Variants in HMCN1 observed in about 807,000 individuals in gnomAD.
HMCN1 encodes hemicentin 1, also known as hemicentin-1.
HMCN1 carries 321 observed loss-of-function variants against 625.9 expected under a neutral mutation model. That is an observed-to-expected ratio of 0.51 (90% CI 0.47 to 0.56). The LOEUF (loss-of-function observed/expected upper bound fraction) is 0.56. HMCN1 is among the 20% of genes least tolerant of loss of function. HMCN1 has a pLI of 0.00. For missense variants in HMCN1, 6,588 were observed against 6,887.3 expected (o/e 0.96, Z 1.54); for synonymous variants, 2,425 against 2,417.6 (o/e 1.00, Z -0.09).
chr1:186,048,753 C>A lies in HMCN1; in HGVS notation c.6491C>A (p.Ala2164Asp). 2 of 1,605,870 alleles carry A rather than the reference C, an allele frequency of 1.2e-6. No homozygotes were observed. Among genetic ancestry groups the A allele is most frequent in the Non-Finnish European group, 1.7e-6 (2 of 1,173,016 alleles). ...ENRSVLKIED[A>D]QVQDTGRYTC... ...TGATTTTGTTTTCAGATTGAAGATG[C>A]TCAGGTTCAAGACACTGGTCGTTAC... Residue 2164 changes from alanine to aspartate, a missense_variant, in exon 42 of 107, where the codon GCT becomes GAT. Coordinates refer to ENST00000271588, the MANE Select transcript of HMCN1 (RefSeq NM_031935.3).
chr1:185,839,900 A>G (rs922613431), intron 1 of HMCN1, among the ~76,000 whole-genome samples: 3 of 152,246 alleles, frequency 2.0e-5, no homozygotes, highest in Non-Finnish European at 4.4e-5. Context: ...AATGCTATTT[A>G]AGCCATATTA....
At chr1:186,094,472 A>G (rs1660020197) in intron 67 of HMCN1, 99 bp downstream of exon 67, 2 of 862,968 alleles carry the variant, frequency 2.3e-6, no homozygotes, top group Admixed American at 2.0e-5. Flanking sequence ...TAGAAATCTG[A>G]CTTTATCAAA....
intron 6 of HMCN1, among the ~76,000 whole-genome samples, chr1:185,917,992 A>C (rs1365518182): frequency 6.6e-6 from 1 of 152,094 alleles, no homozygotes; most frequent in Non-Finnish European, 1.5e-5. Flanking sequence ...AAGGCTACCT[A>C]TTTACAACTT....
At chr1:185,928,715 A>G (rs1667399054) in intron 10 of HMCN1, 48 bp downstream of exon 10, 1 of 1,590,796 alleles carries the variant, frequency 6.3e-7, no homozygotes, top group East Asian at 2.2e-5. Flanking sequence ...TAATGCAGCT[A>G]TGGAAATGGG....
At chr1:185,948,495 G>T (rs1571601353) in intron 11 of HMCN1, among the ~76,000 whole-genome samples, 1 of 151,440 alleles carries the variant, frequency 6.6e-6, no homozygotes, top group Non-Finnish European at 1.5e-5. Flanking sequence ...AAGGTGCTCA[G>T]TGGGGGTGCT....
chr1:185,853,189 C>T (rs1182434027), intron 2 of HMCN1, among the ~76,000 whole-genome samples: 1 of 152,028 alleles, frequency 6.6e-6, no homozygotes, highest in Non-Finnish European at 1.5e-5. Flanking sequence ...TGATCTCATC[C>T]TCAACAAAAT....
chr1:186,123,295 C>A lies in HMCN1; in HGVS notation c.12499+75C>A, dbSNP rs527572364. On this transcript the variant is annotated intron_variant, in intron 81 of 106. Coordinates refer to ENST00000271588, the MANE Select transcript of HMCN1 (RefSeq NM_031935.3). ...AGAGAAAAGGCTACCAAGAGCAAATCTGATGGAAGTCAAAAACCCTTAAAC... is the reference window on the plus strand; with the variant it reads ...AGAGAAAAGGCTACCAAGAGCAAATATGATGGAAGTCAAAAACCCTTAAAC... The A allele has an allele frequency of 3.1e-5, 48 of 1,532,508 alleles. No homozygotes were observed. The South Asian group carries it at 5.6e-4, about 18-fold the overall frequency. The allele number at this position is 1,532,508 out of a possible 1,614,324, so 94.9% of individuals were successfully genotyped here. A position where few individuals can be genotyped will look rare whatever the true frequency, so the allele number is the denominator to read the frequency against.
intron 72 of HMCN1, 90 bp downstream of exon 72, chr1:186,113,043 T>C: frequency 1.4e-6 from 2 of 1,446,076 alleles, no homozygotes; most frequent in Non-Finnish European, 1.9e-6. Flanking sequence ...GCATACTAAA[T>C]GAAGCCTTGT....
At chr1:186,139,480 A>C (rs10911831) in intron 89 of HMCN1, among the ~76,000 whole-genome samples, 1 of 152,158 alleles carries the variant, frequency 6.6e-6, no homozygotes, top group Non-Finnish European at 1.5e-5. Flanking sequence ...TAACTAAATG[A>C]TATTTGTAAA....
intron 1 of HMCN1, among the ~76,000 whole-genome samples, chr1:185,740,555 T>C (rs192354662): frequency 1.4e-4 from 22 of 152,226 alleles, no homozygotes; most frequent in Admixed American, 7.8e-4. Flanking sequence ...TGTGTCAGTG[T>C]TGGGAGGTAG....
intron 105 of HMCN1, among the ~76,000 whole-genome samples, chr1:186,185,723 A>G (rs560757202): frequency 6.6e-6 from 1 of 152,338 alleles, no homozygotes; most frequent in Non-Finnish European, 1.5e-5. Flanking sequence ...CTTTTGTATC[A>G]AGTCCCAATA....
At chr1:186,058,642 A>G (rs1017627373) in intron 46 of HMCN1, among the ~76,000 whole-genome samples, 3 of 151,992 alleles carry the variant, frequency 2.0e-5, no homozygotes, top group Non-Finnish European at 4.4e-5. Flanking sequence ...TAATGTCAGT[A>G]TATGGAAGAT....
chr1:186,158,207 T>C lies in HMCN1; in HGVS notation c.15256+4220T>C, dbSNP rs574491018. On this transcript the variant is annotated intron_variant, in intron 97 of 106. Transcript: ENST00000271588. ...TGATGGCCAGTGATGATGAGCATTT[T>C]TTCATGTGTTTTTTGGCTGCATAAA... is the stretch of plus-strand genomic sequence containing the variant. 2.1e-4 allele frequency among the ~76,000 whole-genome samples: 32 copies of C among 150,848 alleles called. No homozygotes were observed. The South Asian group carries it at 3.4e-3, about 16-fold the overall frequency.
At chr1:185,837,387 T>A (rs1056355346) in intron 1 of HMCN1, among the ~76,000 whole-genome samples, 5 of 152,074 alleles carry the variant, frequency 3.3e-5, no homozygotes, top group African/African-American at 1.2e-4. Context: ...TTCCCGTTGT[T>A]TTTTTGCTAT....
At chr1:185,912,694 T>C (rs10465500) in intron 6 of HMCN1, among the ~76,000 whole-genome samples, 20,400 of 151,982 alleles carry the variant, frequency 0.13, 4,465 homozygotes, top group African/African-American at 0.46. Context: ...GAGCAGCTAT[T>C]AGCACCTGAA....
rs755879982 is a variant in HMCN1, at chr1:186,016,151, T to C, written c.5103T>C (p.Ser1701=). ...EAGGKKLEIM[S]AQEIDRGQYI... The stretch of plus-strand genomic sequence containing the variant: ...GTGGGAAGAAACTCGAAATCATGAG[T>C]GCCCAAGAAATTGATCGAGGACAGT... The change falls in exon 32 of 107, where the codon AGT becomes AGC. Residue 1701 remains serine, a synonymous_variant. Coordinates refer to ENST00000271588, the MANE Select transcript of HMCN1 (RefSeq NM_031935.3). 6.8e-6 allele frequency: 11 copies of C among 1,613,300 alleles called. No homozygotes were observed. The Admixed American group carries it at 1.2e-4, about 17-fold the overall frequency.
intron 11 of HMCN1, among the ~76,000 whole-genome samples, chr1:185,961,111 A>G (rs1649987998): frequency 6.6e-6 from 1 of 152,198 alleles, no homozygotes; most frequent in Non-Finnish European, 1.5e-5. Context: ...TTTGAAAAAC[A>G]CAATGTAAAC....
chr1:186,063,035 T>TGC (rs1491205162), intron 48 of HMCN1, among the ~76,000 whole-genome samples: 1 of 72,722 alleles, frequency 1.4e-5, no homozygotes, highest in African/African-American at 8.1e-5. Flanking sequence ...TTCCATGGAA[T>TGC]GTGTGTGTGT....
chr1:185,921,614 A>T lies in HMCN1; in HGVS notation c.901-765A>T, dbSNP rs963099411. The stretch of plus-strand genomic sequence containing the variant: ...GTTGAGTTTGAAATTGATAATTGGT[A>T]CATTAGAGTTGTGTGAATTTTTTCT... On this transcript the variant is annotated intron_variant, in intron 6 of 106. Coordinates refer to ENST00000271588, the MANE Select transcript of HMCN1 (RefSeq NM_031935.3). Among the ~76,000 whole-genome samples, 3 of 152,214 alleles carry T rather than the reference A, an allele frequency of 2.0e-5. No homozygotes were observed. In the East Asian group the frequency reaches 5.8e-4, roughly 29 times the overall value.
Sources: gnomAD v4.1 joint callset for allele counts (sites outside exome capture counted in the v4.1 genomes callset) on GRCh38, gnomAD v4.1.1 for gene constraint, MANE v1.5 for transcripts, NCBI Gene and HGNC (gene_info 2026-07-23, HGNC 2026-07-21) for gene names.